Variants in PCDHGB4 observed in about 807,000 individuals in gnomAD.
The protein encoded by PCDHGB4 is protocadherin gamma subfamily B, 4.
Under a neutral mutation model 60.5 loss-of-function variants are expected in PCDHGB4, and 38 were observed. The ratio of observed to expected loss-of-function variants is 0.63; its 90% CI spans 0.48 to 0.82. PCDHGB4 has a LOEUF of 0.82. PCDHGB4 is among the 40% of genes least tolerant of loss of function. PCDHGB4 has a pLI of 0.00. For synonymous variants in PCDHGB4, 456 were observed against 509.7 expected (o/e 0.89, Z 1.42); for missense variants, 1,109 against 1,209.6 (o/e 0.92, Z 1.23).
rs572603287 is a variant in PCDHGB4 at position 141,477,037 on chromosome 5, G to T, written c.2398-17770G>T. 19 of 1,614,266 alleles carry T rather than the reference G, an allele frequency of 1.2e-5. No homozygotes were observed. In the East Asian group the frequency reaches 3.8e-4, roughly 32 times the overall value. Reference sequence around the variant, plus strand: ...TTGTAACCGGGATGCTGACAATCAAGGGTCGGCTGGACTTCGAGGACACCA... The same window carrying T: ...TTGTAACCGGGATGCTGACAATCAATGGTCGGCTGGACTTCGAGGACACCA... On this transcript the variant is annotated intron_variant, in intron 1 of 3. Transcript: ENST00000519479. The surrounding 1 kb of genome is among the most constrained non-coding windows in gnomAD (Gnocchi z 4.9).
At chr5:141,397,920 T>C (rs2093586320) in intron 1 of PCDHGB4, 1 of 726,984 alleles carries the variant, frequency 1.4e-6, no homozygotes, top group Non-Finnish European at 2.2e-6. Context: ...CCAGATCTCC[T>C]CGCGCAGCCG....
rs773624580 is a variant in PCDHGB4 at position 141,489,715 on chromosome 5, G to A, written c.2398-5092G>A. On this transcript the variant is annotated intron_variant, in intron 1 of 3. Transcript: ENST00000519479. The surrounding 1 kb of genome is among the most constrained non-coding windows in gnomAD (Gnocchi z 4.5). ...ACGATTCCCACTGGACAGTGCCCAG[G>A]ATCCGGATGTGGGCACCAATACTGT... The A allele has an allele frequency of 6.2e-6, 10 of 1,614,004 alleles. No homozygotes were observed. The highest frequency in any genetic ancestry group is 2.2e-5 in the East Asian group (1 of 44,886).
At chr5:141,474,156 A>T (rs1387216017) in intron 1 of PCDHGB4, among the ~76,000 whole-genome samples, 1 of 152,244 alleles carries the variant, frequency 6.6e-6, no homozygotes, top group Non-Finnish European at 1.5e-5. Context: ...CAAGAAAATG[A>T]CAGGCCTTAT....
At chr5:141,421,770 G>T in intron 1 of PCDHGB4, 6 of 1,613,856 alleles carry the variant, frequency 3.7e-6, no homozygotes, top group East Asian at 2.2e-5. Context: ...ACTTTTCCTT[G>T]CAACTGCGGG....
intron 1 of PCDHGB4, chr5:141,419,208 C>G: frequency 5.6e-6 from 9 of 1,613,966 alleles, no homozygotes; most frequent in Non-Finnish European, 6.8e-6. Flanking sequence ...GACAACGCGC[C>G]GGTTTTCGGA....
chr5:141,447,329 G>A (rs1328071539), intron 1 of PCDHGB4, among the ~76,000 whole-genome samples: 6 of 151,732 alleles, frequency 4.0e-5, no homozygotes, highest in Admixed American at 1.3e-4. Context: ...TAGTAGAGAC[G>A]GGTTTCATCA....
intron 1 of PCDHGB4, chr5:141,427,900 C>T (rs1351712272): frequency 2.5e-6 from 4 of 1,571,732 alleles, no homozygotes; most frequent in Non-Finnish European, 3.5e-6. Flanking sequence ...GGCTCGCCCG[C>T]GCTCAGCGCC....
chr5:141,408,295 G>A (rs1185231517), intron 1 of PCDHGB4: 8 of 1,613,700 alleles, frequency 5.0e-6, no homozygotes, highest in East Asian at 2.2e-5. Flanking sequence ...CCCTGAGTGA[G>A]CCGATCCGCT....
chr5:141,413,441 T>A, intron 1 of PCDHGB4: 1 of 1,614,056 alleles, frequency 6.2e-7, no homozygotes, highest in South Asian at 1.1e-5. Context: ...GGCAGCTTGA[T>A]CACCGCGGGC....
At position 141,487,769 on chromosome 5, in the gene PCDHGB4, T is replaced by C. The variant is rs775270506; in HGVS notation, c.2398-7038T>C. Reference sequence around the variant, plus strand: ...TAACTATGTGGTAGACGCTGTGCTTTGTAACTGTTTCGTGAATTAACCAGA... The same window carrying C: ...TAACTATGTGGTAGACGCTGTGCTTCGTAACTGTTTCGTGAATTAACCAGA... On this transcript the variant is annotated intron_variant, in intron 1 of 3. Transcript: ENST00000519479. The surrounding 1 kb of genome is among the most constrained non-coding windows in gnomAD (Gnocchi z 5.0). 8 of 1,538,288 alleles carry C rather than the reference T, an allele frequency of 5.2e-6. No homozygotes were observed. The highest frequency in any genetic ancestry group is 1.2e-5 in the South Asian group (1 of 82,608).
At chr5:141,470,252 C>T (rs1010559144) in intron 1 of PCDHGB4, among the ~76,000 whole-genome samples, 3 of 152,160 alleles carry the variant, frequency 2.0e-5, no homozygotes, top group Admixed American at 1.3e-4. Context: ...TCCCACCTGT[C>T]TAAATGGAGA....
intron 2 of PCDHGB4, among the ~76,000 whole-genome samples, chr5:141,503,432 TA>T (rs1423418926): frequency 6.6e-6 from 1 of 151,668 alleles, no homozygotes; most frequent in African/African-American, 2.4e-5. Flanking sequence ...CCATCTCTAC[TA>T]AAAATACAAA....
At position 141,431,391 on chromosome 5, in the gene PCDHGB4, T is replaced by C; in HGVS notation, c.2397+41110T>C. Reference sequence around the variant, plus strand: ...GAAGAAAAGGCTGCTCACCACCTGGTCCTTACGGCCTCCGACGGGGGCGAC... The same window carrying C: ...GAAGAAAAGGCTGCTCACCACCTGGCCCTTACGGCCTCCGACGGGGGCGAC... On this transcript the variant is annotated intron_variant, in intron 1 of 3. Transcript: ENST00000519479. The surrounding 1 kb of genome is among the most constrained non-coding windows in gnomAD (Gnocchi z 4.8). 1 of 1,613,852 alleles carries C rather than the reference T, an allele frequency of 6.2e-7. No homozygotes were observed.
intron 1 of PCDHGB4, chr5:141,409,494 C>G (rs755680835): frequency 6.2e-7 from 1 of 1,614,028 alleles, no homozygotes; most frequent in Non-Finnish European, 8.5e-7. Flanking sequence ...GGCAAGCCGC[C>G]TCTTTCTTCC....
At chr5:141,401,128 G>A (rs1271194736) in intron 1 of PCDHGB4, among the ~76,000 whole-genome samples, 3 of 152,166 alleles carry the variant, frequency 2.0e-5, no homozygotes, top group Non-Finnish European at 4.4e-5. Context: ...TGGATCACAT[G>A]GTCAGGAGTT....
intron 1 of PCDHGB4, chr5:141,418,384 C>A (rs774636792): frequency 1.5e-5 from 25 of 1,613,864 alleles, no homozygotes; most frequent in East Asian, 4.5e-5. Context: ...TAAGTCCTAA[C>A]GAGTATTTCT....
At chr5:141,438,591 CATATATATATATATATAT>C (rs946798767) in intron 1 of PCDHGB4, among the ~76,000 whole-genome samples, 2 of 75,562 alleles carry the variant, frequency 2.6e-5, no homozygotes, top group Non-Finnish European at 5.4e-5. Context: ...TACATACATA[CATATATATATATATATAT>C]ATATATATAT....
In PCDHGB4 at chr5:141,410,139, T is replaced by C. The variant is rs73279096; in HGVS notation, c.2397+19858T>C. ...GCCCGCCAGCGCCTGCTGGTCGCTG[T>C]GCGTGACGGTGGACAGCCGCCACTC... On this transcript the variant is annotated intron_variant, in intron 1 of 3. Coordinates refer to ENST00000519479, the MANE Select transcript of PCDHGB4 (RefSeq NM_003736.4). The C allele has an allele frequency of 1.6e-4, 252 of 1,612,722 alleles. No individual in the cohort carries two copies. In the African/African-American group the frequency reaches 3.0e-3, roughly 19 times the overall value.
chr5:141,419,579 C>G (rs759041306), intron 1 of PCDHGB4: 11 of 1,611,812 alleles, frequency 6.8e-6, no homozygotes, highest in Non-Finnish European at 9.3e-6. Flanking sequence ...CGGCTCCGCG[C>G]TCTTCGACAC....
Sources: gnomAD v4.1 joint callset for allele counts (sites outside exome capture counted in the v4.1 genomes callset) on GRCh38, gnomAD v4.1.1 for gene constraint, Gnocchi (gnomAD v3.1) non-coding constraint, MANE v1.5 for transcripts, NCBI Gene and HGNC (gene_info 2026-07-23, HGNC 2026-07-21) for gene names.